The following MRTFA variants were observed in gnomAD, a reference collection of about 807,000 sequenced individuals.
MRTFA encodes myocardin-related transcription factor A.
MRTFA carries 20 observed loss-of-function variants against 83.5 expected under a neutral mutation model. That is an observed-to-expected ratio of 0.24 (90% confidence interval 0.17 to 0.35). MRTFA has a LOEUF of 0.35. Among genes scored for constraint, MRTFA ranks in the 10% least tolerant of loss-of-function variants. The pLI is 1.00. For synonymous variants in MRTFA, 659 were observed against 541.2 expected (o/e 1.22, Z -3.02); for missense variants, 1,200 against 1,224.7 (o/e 0.98, Z 0.30).
intron 7 of MRTFA, among the ~76,000 whole-genome samples, chr22:40,428,536 C>T (rs991768745): frequency 6.6e-6 from 1 of 152,182 alleles, no homozygotes; most frequent in African/African-American, 2.4e-5. Context: ...GTTTTTGAGA[C>T]AGGGTCTCAC....
chr22:40,594,709 T>C lies in MRTFA; in HGVS notation c.-57A>G, dbSNP rs1211187470. 3 of 152,092 alleles carry C rather than the reference T, an allele frequency of 2.0e-5. No homozygotes were observed. Among genetic ancestry groups the C allele is most frequent in the Admixed American group, 6.6e-5 (1 of 15,262 alleles). 9.4% of individuals were successfully genotyped at this position (152,092 alleles called of 1,614,324 possible). A position where few individuals can be genotyped will look rare whatever the true frequency, so the allele number is the denominator to read the frequency against. On this transcript the variant is annotated 5_prime_UTR_variant, in exon 2 of 15. Transcript: ENST00000355630. ...ATTCCCACAGACAGATGAAATTCAA[T>C]TCCATGCCAACCATACCCTCCGATC...
chr22:40,524,713 T>C (rs1270547550), intron 3 of MRTFA, among the ~76,000 whole-genome samples: 2 of 150,326 alleles, frequency 1.3e-5, no homozygotes, highest in Admixed American at 6.6e-5. Context: ...TCCTAATCAT[T>C]ATGCTTCCAT....
At chr22:40,604,346 G>A (rs558998012) in intron 1 of MRTFA, among the ~76,000 whole-genome samples, 1 of 151,820 alleles carries the variant, frequency 6.6e-6, no homozygotes, top group East Asian at 2.0e-4. Flanking sequence ...TAGCCAGGAT[G>A]GTCTCAATCT....
At chr22:40,630,014 T>G (rs73169091) in intron 1 of MRTFA, among the ~76,000 whole-genome samples, 12,374 of 151,718 alleles carry the variant, frequency 0.082, 745 homozygotes, top group East Asian at 0.25. Flanking sequence ...TGGAGGGCAT[T>G]TAAAAGGTAC....
chr22:40,567,640 AG>A (rs2147339270), intron 2 of MRTFA, among the ~76,000 whole-genome samples: 1 of 152,368 alleles, frequency 6.6e-6, no homozygotes, highest in Non-Finnish European at 1.5e-5. Flanking sequence ...TCTACCACAC[AG>A]AAAATCTACA....
intron 3 of MRTFA, among the ~76,000 whole-genome samples, chr22:40,481,445 A>G (rs1020260658): frequency 3.9e-5 from 6 of 152,222 alleles, no homozygotes; most frequent in African/African-American, 1.4e-4. Flanking sequence ...CAACATGGAC[A>G]GATGAGGTCC....
Position 40,636,658 on chromosome 22 carries a change from C to G in MRTFA, c.-264G>C, listed in dbSNP as rs558116634. ...GGAAAGATGGGACCGTCGCTCTCGC[C>G]GCCGCGGCCACCACAGACACTGCCG... On this transcript the variant is annotated 5_prime_UTR_variant, in exon 1 of 15. Transcript: ENST00000355630. 1 of 152,528 alleles carries G rather than the reference C, an allele frequency of 6.6e-6. No homozygotes were observed. Among genetic ancestry groups the G allele is most frequent in the Non-Finnish European group, 1.5e-5 (1 of 68,178 alleles). 9.4% of individuals were successfully genotyped at this position (152,528 alleles called of 1,614,324 possible). A position where few individuals can be genotyped will look rare whatever the true frequency, so the allele number is the denominator to read the frequency against.
At chr22:40,491,386 T>C (rs759217288) in intron 3 of MRTFA, among the ~76,000 whole-genome samples, 4 of 152,184 alleles carry the variant, frequency 2.6e-5, no homozygotes, top group Admixed American at 6.5e-5. Flanking sequence ...GCTGTTCACA[T>C]AGGCAAACTC....
chr22:40,612,029 G>A (rs2056393264), intron 1 of MRTFA, among the ~76,000 whole-genome samples: 1 of 152,130 alleles, frequency 6.6e-6, no homozygotes, highest in Non-Finnish European at 1.5e-5. Context: ...GAGTACAAAG[G>A]CAAAAACCAA....
intron 3 of MRTFA, among the ~76,000 whole-genome samples, chr22:40,485,854 T>A (rs750787713): frequency 6.6e-6 from 1 of 152,192 alleles, no homozygotes; most frequent in Non-Finnish European, 1.5e-5. Flanking sequence ...AAGCCCTAAG[T>A]GGACTCAGAG....
At chr22:40,601,136 T>C (rs2056254621) in intron 1 of MRTFA, among the ~76,000 whole-genome samples, 2 of 152,192 alleles carry the variant, frequency 1.3e-5, no homozygotes, top group Non-Finnish European at 2.9e-5. Flanking sequence ...TCAGACATAG[T>C]AGCTCCAGAG....
Position 40,416,890 on chromosome 22 carries a change from G to T in MRTFA, c.2578+96C>A. 8.5e-7 allele frequency: 1 copy of T among 1,181,378 alleles called. No homozygotes were observed. Among genetic ancestry groups the T allele is most frequent in the Non-Finnish European group, 1.2e-6 (1 of 820,596 alleles). 73.2% of individuals were successfully genotyped at this position (1,181,378 alleles called of 1,614,324 possible). A position where few individuals can be genotyped will look rare whatever the true frequency, so the allele number is the denominator to read the frequency against. ...ACAGTGCTTGCCCAAGACTGGTCACGCACGGAAGCATTCAATAAAAACAAA... is the reference window on the plus strand; with the variant it reads ...ACAGTGCTTGCCCAAGACTGGTCACTCACGGAAGCATTCAATAAAAACAAA... On this transcript the variant is annotated intron_variant, in intron 14 of 14. Coordinates refer to ENST00000355630, the MANE Select transcript of MRTFA (RefSeq NM_020831.6). The surrounding 1 kb of genome is among the most constrained non-coding windows in gnomAD (Gnocchi z 4.2).
chr22:40,605,786 G>A (rs2056313006), intron 1 of MRTFA, among the ~76,000 whole-genome samples: 1 of 152,154 alleles, frequency 6.6e-6, no homozygotes, highest in Non-Finnish European at 1.5e-5. Context: ...TACAGTTTGG[G>A]TTGGGATTGT....
At chr22:40,455,549 G>A (rs2053568257) in intron 4 of MRTFA, among the ~76,000 whole-genome samples, 2 of 151,754 alleles carry the variant, frequency 1.3e-5, no homozygotes, top group African/African-American at 2.4e-5. Flanking sequence ...AGGAGGCCGA[G>A]GCAGGAGAAT....
At chr22:40,479,290 G>A (rs2054049589) in intron 3 of MRTFA, among the ~76,000 whole-genome samples, 1 of 152,026 alleles carries the variant, frequency 6.6e-6, no homozygotes. Context: ...ATAAGATTAG[G>A]GTGGGGCAAC....
At chr22:40,515,504 G>C (rs549691788) in intron 3 of MRTFA, among the ~76,000 whole-genome samples, 1 of 151,866 alleles carries the variant, frequency 6.6e-6, no homozygotes, top group East Asian at 2.0e-4. Context: ...GATCAGCCTG[G>C]CAATAGAGCA....
chr22:40,521,455 CT>C (rs1180771133), intron 3 of MRTFA, among the ~76,000 whole-genome samples: 1 of 151,962 alleles, frequency 6.6e-6, no homozygotes, highest in Non-Finnish European at 1.5e-5. Flanking sequence ...AAGTTTGCCC[CT>C]TTTTAAAAGT....
intron 3 of MRTFA, among the ~76,000 whole-genome samples, chr22:40,503,884 T>C (rs971579310): frequency 1.3e-5 from 2 of 151,956 alleles, no homozygotes; most frequent in African/African-American, 2.4e-5. Flanking sequence ...ATCGTGCCAC[T>C]GCACTTCAGC....
intron 1 of MRTFA, among the ~76,000 whole-genome samples, chr22:40,622,676 G>A (rs78463154): frequency 0.039 from 5,916 of 152,112 alleles, 155 homozygotes; most frequent in Middle Eastern, 0.075. Flanking sequence ...AGGTGGAAGA[G>A]GTAAAGACCA....
Sources: gnomAD v4.1 joint callset for allele counts (sites outside exome capture counted in the v4.1 genomes callset) on GRCh38, gnomAD v4.1.1 for gene constraint, Gnocchi (gnomAD v3.1) non-coding constraint, MANE v1.5 for transcripts, NCBI Gene and HGNC (gene_info 2026-07-23, HGNC 2026-07-21) for gene names.